Variants in ZFHX3 observed in about 807,000 individuals in gnomAD.
ZFHX3 encodes zinc finger homeobox 3, also known as zinc finger homeobox protein 3.
A neutral mutation model predicts 279.1 loss-of-function variants in ZFHX3; 42 were observed. The ratio of observed to expected loss-of-function variants is 0.15; its 90% CI spans 0.12 to 0.19. The LOEUF (loss-of-function observed/expected upper bound fraction) is 0.19. Among genes scored for constraint, ZFHX3 ranks in the 10% least tolerant of loss-of-function variants. The pLI, the probability that ZFHX3 is intolerant of heterozygous loss-of-function variation, is 1.00. For missense variants in ZFHX3, 4,981 were observed against 4,754.0 expected (o/e 1.05, Z -1.40); for synonymous variants, 2,293 against 1,957.8 (o/e 1.17, Z -4.52).
intron 8 of ZFHX3, among the ~76,000 whole-genome samples, chr16:73,089,905 C>A (rs1487710417): frequency 1.3e-5 from 2 of 152,150 alleles, no homozygotes. Flanking sequence ...GCTAGTGGCC[C>A]CCAAGCTCAT....
In ZFHX3 at chr16:72,797,390, A is replaced by T; in HGVS notation, c.5292T>A (p.Ala1764=). The change falls in exon 9 of 10, where the codon GCT becomes GCA. Residue 1764 remains alanine, a synonymous_variant. Coordinates refer to ENST00000268489, the MANE Select transcript of ZFHX3 (RefSeq NM_006885.4). ...AHLQQELQQQ[A]ALIQSQLFNP... is the part of the protein sequence containing the mutation. ...TAAACAGCTGAGACTGGATCAGGGC[A>T]GCCTGTTGCTGCAGCTCCTGCTGCA... 1 of 1,608,140 alleles carries T rather than the reference A, an allele frequency of 6.2e-7. No homozygotes were observed. The highest frequency in any genetic ancestry group is 8.5e-7 in the Non-Finnish European group (1 of 1,177,494).
intron 4 of ZFHX3, among the ~76,000 whole-genome samples, chr16:73,282,221 T>C (rs4132874): frequency 0.085 from 12,893 of 152,216 alleles, 1,201 homozygotes; most frequent in African/African-American, 0.23. Context: ...CAGTAAGCAA[T>C]GGTTCGGCAA....
intron 5 of ZFHX3, among the ~76,000 whole-genome samples, chr16:73,153,986 G>A (rs1967012133): frequency 1.3e-5 from 2 of 152,132 alleles, no homozygotes; most frequent in East Asian, 3.8e-4. Context: ...TTACAGGTGT[G>A]AGCCACGGCG....
chr16:73,590,587 C>T (rs2051984176), intron 2 of ZFHX3, among the ~76,000 whole-genome samples: 1 of 152,178 alleles, frequency 6.6e-6, no homozygotes. Context: ...CACTAGCCAT[C>T]ATTAGAATAT....
At chr16:73,241,873 T>C (rs2013135295) in intron 5 of ZFHX3, among the ~76,000 whole-genome samples, 1 of 149,432 alleles carries the variant, frequency 6.7e-6, no homozygotes. Context: ...GTTAGTTCCA[T>C]CAGGATCAGA....
intron 1 of ZFHX3, among the ~76,000 whole-genome samples, chr16:73,027,948 G>A (rs1427697262): frequency 6.6e-6 from 1 of 152,080 alleles, no homozygotes; most frequent in Non-Finnish European, 1.5e-5. Context: ...AGGCTGCCAC[G>A]GGGACCATAT....
intron 1 of ZFHX3, among the ~76,000 whole-genome samples, chr16:73,796,940 G>A (rs764698563): frequency 2.0e-5 from 3 of 152,094 alleles, no homozygotes; most frequent in East Asian, 1.9e-4. Context: ...AGTGGCTCAC[G>A]CCTGTAATCC....
intron 3 of ZFHX3, among the ~76,000 whole-genome samples, chr16:73,431,750 T>C (rs1352077266): frequency 6.6e-6 from 1 of 152,260 alleles, no homozygotes; most frequent in African/African-American, 2.4e-5. Context: ...GGGATGTACT[T>C]TGATTACAAT....
intron 5 of ZFHX3, among the ~76,000 whole-genome samples, chr16:73,248,897 C>A (rs988898172): frequency 1.3e-5 from 2 of 151,672 alleles, no homozygotes; most frequent in African/African-American, 4.9e-5. Flanking sequence ...AAATTTAAGA[C>A]CCTAAAAAAA....
At position 73,529,232 on chromosome 16, in the gene ZFHX3, G is replaced by C. The variant is rs557722260; in HGVS notation, c.-1546-72974C>G. On this transcript the variant is annotated intron_variant, in intron 2 of 17. Coordinates refer to the ZFHX3 transcript ENST00000641206. ...ATGTTTGTGATAATTTTGCCCAGTG[G>C]ACCGAGTGGCTGCTGAGGGAAAAGC... 4.6e-5 allele frequency among the ~76,000 whole-genome samples: 7 copies of C among 152,262 alleles called. No homozygotes were observed. In the East Asian group the frequency reaches 1.4e-3, roughly 29 times the overall value.
At chr16:73,631,943 A>T (rs1341988060) in intron 2 of ZFHX3, among the ~76,000 whole-genome samples, 64 of 124,308 alleles carry the variant, frequency 5.1e-4, no homozygotes, top group African/African-American at 8.3e-4. Flanking sequence ...ACACACACAC[A>T]CACACACACA....
chr16:72,837,897 T>C (rs1424837427), intron 4 of ZFHX3, among the ~76,000 whole-genome samples: 1 of 150,948 alleles, frequency 6.6e-6, no homozygotes, highest in African/African-American at 2.5e-5. Context: ...CCACTATGCC[T>C]GGACCTACAA....
intron 1 of ZFHX3, among the ~76,000 whole-genome samples, chr16:73,795,276 A>T (rs1959958092): frequency 6.6e-6 from 1 of 152,216 alleles, no homozygotes; most frequent in Non-Finnish European, 1.5e-5. Context: ...CTTTGTCTGG[A>T]AATTCCATTG....
chr16:72,842,807 G>A (rs2037377327), intron 4 of ZFHX3, among the ~76,000 whole-genome samples: 1 of 152,092 alleles, frequency 6.6e-6, no homozygotes, highest in South Asian at 2.1e-4. Context: ...TTTGCTGAAA[G>A]GTTAAAAAGA....
intron 4 of ZFHX3, among the ~76,000 whole-genome samples, chr16:72,857,619 A>G (rs1392263747): frequency 6.6e-6 from 1 of 152,242 alleles, no homozygotes; most frequent in African/African-American, 2.4e-5. Flanking sequence ...TAGGAGTATG[A>G]GGCTGTAGTG....
At chr16:73,208,097 G>A (rs940034574) in intron 5 of ZFHX3, among the ~76,000 whole-genome samples, 1 of 152,012 alleles carries the variant, frequency 6.6e-6, no homozygotes, top group Non-Finnish European at 1.5e-5. Flanking sequence ...GAGAAACAAG[G>A]TTCAAACAAG....
At chr16:72,990,308 T>C (rs532345955) in intron 1 of ZFHX3, among the ~76,000 whole-genome samples, 1 of 152,306 alleles carries the variant, frequency 6.6e-6, no homozygotes, top group East Asian at 1.9e-4. Flanking sequence ...GGAAACGCAT[T>C]GTACTTGTGA....
intron 3 of ZFHX3, among the ~76,000 whole-genome samples, chr16:72,915,439 C>A (rs2039420951): frequency 6.6e-6 from 1 of 152,190 alleles, no homozygotes; most frequent in South Asian, 2.1e-4. Context: ...GTCCACCCAA[C>A]TAGATCTCAA....
chr16:73,678,601 T>G (rs561478115), intron 2 of ZFHX3, among the ~76,000 whole-genome samples: 1 of 152,244 alleles, frequency 6.6e-6, no homozygotes, highest in Non-Finnish European at 1.5e-5. Context: ...TGAAATTTAT[T>G]TAAAATATAT....
Sources: gnomAD v4.1 joint callset for allele counts (sites outside exome capture counted in the v4.1 genomes callset) on GRCh38, gnomAD v4.1.1 for gene constraint, MANE v1.5 for transcripts, NCBI Gene and HGNC (gene_info 2026-07-23, HGNC 2026-07-21) for gene names.